MRPS27: variants seen among roughly 807,000 people sequenced by gnomAD.
MRPS27 encodes mitochondrial ribosomal protein S27.
In MRPS27, 43 loss-of-function variants were observed where a neutral mutation model predicts 48.9. The ratio of observed to expected loss-of-function variants is 0.88; its 90% CI spans 0.69 to 1.13. The LOEUF (loss-of-function observed/expected upper bound fraction) is 1.13. MRPS27 is among the 50% of genes most tolerant of loss of function. The pLI, the probability that MRPS27 is intolerant of heterozygous loss-of-function variation, is 0.00. For missense variants in MRPS27, 467 were observed against 476.3 expected (o/e 0.98, Z 0.18); for synonymous variants, 188 against 171.9 (o/e 1.09, Z -0.73).
chr5:72,247,787 G>A (rs1245649123), intron 4 of MRPS27, among the ~76,000 whole-genome samples: 4 of 152,042 alleles, frequency 2.6e-5, no homozygotes, highest in Non-Finnish European at 5.9e-5. Context: ...TTTATATACT[G>A]TTACTTTATC....
At chr5:72,297,597 G>A (rs1317770714) in intron 3 of MRPS27, 35 bp downstream of exon 3, 1 of 1,397,112 alleles carries the variant, frequency 7.2e-7, no homozygotes. Flanking sequence ...TTTCTTCCTT[G>A]TTCTTGGAAA....
chr5:72,272,602 T>C (rs1749276218), intron 4 of MRPS27, among the ~76,000 whole-genome samples: 1 of 152,204 alleles, frequency 6.6e-6, no homozygotes, highest in Non-Finnish European at 1.5e-5. Flanking sequence ...CTGCAAATTT[T>C]TGCTTGGCTT....
At chr5:72,319,720 A>AT (rs1750694070) in intron 1 of MRPS27, among the ~76,000 whole-genome samples, 1 of 151,302 alleles carries the variant, frequency 6.6e-6, no homozygotes, top group Admixed American at 6.6e-5. Flanking sequence ...ATTTCTTTGT[A>AT]TTTTTTAGTA....
chr5:72,257,867 G>A (rs1458725913), intron 4 of MRPS27, among the ~76,000 whole-genome samples: 3 of 152,112 alleles, frequency 2.0e-5, no homozygotes, highest in African/African-American at 4.8e-5. Flanking sequence ...GGCAGATCAT[G>A]AGGTCAGGAG....
intron 4 of MRPS27, among the ~76,000 whole-genome samples, chr5:72,254,316 AG>A (rs1217129424): frequency 2.0e-5 from 3 of 152,190 alleles, no homozygotes; most frequent in Non-Finnish European, 4.4e-5. Flanking sequence ...CTAGGAAACT[AG>A]GGAGCATACA....
At chr5:72,267,291 T>C (rs1749128080) in intron 4 of MRPS27, among the ~76,000 whole-genome samples, 3 of 152,212 alleles carry the variant, frequency 2.0e-5, no homozygotes, top group Admixed American at 2.0e-4. Flanking sequence ...TAAAAATTTA[T>C]CCTTATTTGC....
At chr5:72,266,367 A>G (rs1317881508) in intron 4 of MRPS27, among the ~76,000 whole-genome samples, 1 of 152,212 alleles carries the variant, frequency 6.6e-6, no homozygotes, top group East Asian at 1.9e-4. Context: ...TAGTAAATAC[A>G]TGACTGCCCC....
At chr5:72,288,578 C>T (rs935403146) in intron 4 of MRPS27, among the ~76,000 whole-genome samples, 11 of 152,154 alleles carry the variant, frequency 7.2e-5, no homozygotes, top group African/African-American at 2.7e-4. Context: ...GCACTATGAC[C>T]AACGATCTGC....
chr5:72,308,918 G>C (rs1335120570), intron 2 of MRPS27, among the ~76,000 whole-genome samples: 1 of 152,188 alleles, frequency 6.6e-6, no homozygotes, highest in Non-Finnish European at 1.5e-5. Flanking sequence ...GCACCTGCAT[G>C]TCAGACGGAG....
intron 4 of MRPS27, among the ~76,000 whole-genome samples, chr5:72,250,504 C>CT (rs1748636929): frequency 2.0e-5 from 3 of 152,220 alleles, no homozygotes; most frequent in Admixed American, 2.0e-4. Flanking sequence ...CTCGATGCCA[C>CT]TTTCACTGTG....
chr5:72,263,410 A>G (rs578119749), intron 4 of MRPS27, among the ~76,000 whole-genome samples: 1 of 152,008 alleles, frequency 6.6e-6, no homozygotes, highest in South Asian at 2.1e-4. Context: ...ACAACAAAAG[A>G]AAAAATAGAG....
intron 2 of MRPS27, among the ~76,000 whole-genome samples, chr5:72,298,341 A>G (rs1270558612): frequency 6.6e-6 from 1 of 152,244 alleles, no homozygotes; most frequent in African/African-American, 2.4e-5. Flanking sequence ...ACCATCTCAC[A>G]CCAGTCAGAA....
At chr5:72,289,826 GATT>G (rs1302984640) in intron 4 of MRPS27, among the ~76,000 whole-genome samples, 1 of 152,092 alleles carries the variant, frequency 6.6e-6, no homozygotes, top group African/African-American at 2.4e-5. Context: ...TATCAGTTCT[GATT>G]ATTGACACCC....
intron 4 of MRPS27, among the ~76,000 whole-genome samples, chr5:72,269,901 A>T (rs1749191764): frequency 6.6e-6 from 1 of 152,176 alleles, no homozygotes; most frequent in South Asian, 2.1e-4. Context: ...TACATAAAAA[A>T]TAAAAATGTG....
rs1747827815 is a variant in MRPS27 at position 72,223,994 on chromosome 5, T to C, written c.838-144A>G. ...TTCTCTTATAAAATTGTAGGAAATATAAATGGTTATATTTTTTCACATTAT... is the reference window on the plus strand; with the variant it reads ...TTCTCTTATAAAATTGTAGGAAATACAAATGGTTATATTTTTTCACATTAT... On this transcript the variant is annotated intron_variant, in intron 9 of 10. Transcript: ENST00000261413. The C allele has an allele frequency of 4.7e-6, 4 of 852,716 alleles. No homozygotes were observed. In the South Asian group the frequency reaches 7.7e-5, roughly 16 times the overall value. The allele number at this position is 852,716 out of a possible 1,614,324, so 52.8% of individuals were successfully genotyped here.
At chr5:72,311,591 G>C (rs1284719906) in intron 2 of MRPS27, among the ~76,000 whole-genome samples, 1 of 152,156 alleles carries the variant, frequency 6.6e-6, no homozygotes, top group African/African-American at 2.4e-5. Flanking sequence ...GAGGAAGAGA[G>C]ACCTGAGCTA....
At chr5:72,305,010 G>A (rs1750222507) in intron 2 of MRPS27, among the ~76,000 whole-genome samples, 1 of 152,078 alleles carries the variant, frequency 6.6e-6, no homozygotes, top group South Asian at 2.1e-4. Context: ...CATTTTAAAA[G>A]AAAAACGAGG....
chr5:72,252,432 AT>A (rs1185833851), intron 4 of MRPS27, among the ~76,000 whole-genome samples: 41 of 152,288 alleles, frequency 2.7e-4, no homozygotes, highest in African/African-American at 9.4e-4. Flanking sequence ...GTGACTGAAA[AT>A]GAGGATGATG....
chr5:72,308,238 C>T (rs1355729789), intron 2 of MRPS27, among the ~76,000 whole-genome samples: 1 of 152,232 alleles, frequency 6.6e-6, no homozygotes, highest in Non-Finnish European at 1.5e-5. Flanking sequence ...GCACCGGAAC[C>T]GCAAGCCCAC....
Sources: allele counts gnomAD v4.1 joint callset (sites outside exome capture counted in the v4.1 genomes callset), GRCh38; gene constraint gnomAD v4.1.1; transcripts MANE v1.5; gene names NCBI Gene and HGNC (gene_info 2026-07-23, HGNC 2026-07-21).